Variants in NEK4 observed in about 807,000 individuals in gnomAD.
The protein encoded by NEK4 is serine/threonine-protein kinase Nek4.
NEK4 carries 86 observed loss-of-function variants against 98.4 expected under a neutral mutation model. That is an observed-to-expected ratio of 0.87 (90% CI 0.73 to 1.05). NEK4 has a LOEUF of 1.05. Among genes scored for constraint, NEK4 ranks in the 50% least tolerant of loss-of-function variants. The pLI, the probability that NEK4 is intolerant of heterozygous loss-of-function variation, is 0.00. For missense variants in NEK4, 898 were observed against 950.3 expected, an observed-to-expected ratio of 0.94 and a Z score of 0.72; for synonymous variants, 328 against 342.2, an observed-to-expected ratio of 0.96 and a Z score of 0.46.
At chr3:52,735,167 G>C (rs2097374229) in intron 15 of NEK4, among the ~76,000 whole-genome samples, 1 of 152,114 alleles carries the variant, frequency 6.6e-6, no homozygotes, top group African/African-American at 2.4e-5. Flanking sequence ...ATTTTATTCT[G>C]AATACAAAGG....
intron 6 of NEK4, among the ~76,000 whole-genome samples, chr3:52,760,248 A>G (rs555765319): frequency 9.3e-4 from 142 of 152,008 alleles, no homozygotes; most frequent in African/African-American, 3.2e-3. Flanking sequence ...ACAGTGTCTC[A>G]TTCTGTCACC....
chr3:52,729,084 G>A (rs917187170), intron 15 of NEK4, among the ~76,000 whole-genome samples: 2 of 152,204 alleles, frequency 1.3e-5, no homozygotes, highest in Non-Finnish European at 2.9e-5. Flanking sequence ...TTCCTCAGAA[G>A]CATGTGATAT....
At chr3:52,724,516 C>T (rs1561288138) in intron 15 of NEK4, among the ~76,000 whole-genome samples, 1 of 151,526 alleles carries the variant, frequency 6.6e-6, no homozygotes, top group Non-Finnish European at 1.5e-5. Flanking sequence ...CTAGATCTTC[C>T]CTATCAGAAA....
At chr3:52,735,756 A>G (rs2097374994) in intron 15 of NEK4, among the ~76,000 whole-genome samples, 1 of 152,262 alleles carries the variant, frequency 6.6e-6, no homozygotes, top group Non-Finnish European at 1.5e-5. Flanking sequence ...GCAATCAATC[A>G]TAATTAGTAA....
intron 15 of NEK4, among the ~76,000 whole-genome samples, chr3:52,727,910 T>A (rs897089161): frequency 6.6e-6 from 1 of 152,176 alleles, no homozygotes; most frequent in Admixed American, 6.5e-5. Context: ...AAGGGGGGAA[T>A]TTATAGCTGT....
intron 15 of NEK4, among the ~76,000 whole-genome samples, chr3:52,715,147 G>T (rs2097353987): frequency 6.6e-6 from 1 of 152,244 alleles, no homozygotes. Context: ...AGACCAGAGT[G>T]GGAACTTGTG....
At chr3:52,733,467 G>A (rs2097371900) in intron 15 of NEK4, 2 of 420,730 alleles carry the variant, frequency 4.8e-6, no homozygotes, top group African/African-American at 4.2e-5. Context: ...GAGTGTACAA[G>A]AACTTCAGGC....
Position 52,768,441 on chromosome 3 carries a change from C to T in NEK4, c.257G>A (p.Cys86Tyr). 6.2e-7 allele frequency: 1 copy of T among 1,614,174 alleles called. No individual in the cohort carries two copies. The highest frequency in any genetic ancestry group is 8.5e-7 in the Non-Finnish European group (1 of 1,180,036). The change falls in exon 2 of 16, where the codon TGT (cysteine) becomes TAT (tyrosine). Residue 86 changes from cysteine to tyrosine, a missense_variant. Cys to Tyr is a radical substitution (Grantham distance 194). Transcript: ENST00000233027. ...CTTTCGGTACAAATCACCTCCTTCA[C>T]AGAAGCCCATGACAATGTAGAGCAG... ...DGLLYIVMGF[C>Y]EGGDLYRKLK...
intron 15 of NEK4, among the ~76,000 whole-genome samples, chr3:52,724,174 A>C (rs2154102374): frequency 6.6e-6 from 1 of 151,690 alleles, no homozygotes; most frequent in East Asian, 1.9e-4. Context: ...CAGAGGTTGC[A>C]GTGAGCCAAG....
At chr3:52,737,499 G>T in intron 15 of NEK4, 87 bp downstream of exon 15, 2 of 1,381,654 alleles carry the variant, frequency 1.4e-6, no homozygotes, top group Non-Finnish European at 2.1e-6. Context: ...TTAGATGAGT[G>T]AATTGTTATG....
intron 6 of NEK4, among the ~76,000 whole-genome samples, chr3:52,754,890 G>A (rs893454547): frequency 2.0e-5 from 3 of 151,990 alleles, no homozygotes; most frequent in Non-Finnish European, 4.4e-5. Context: ...TGGCTAACAT[G>A]GTGAAACCCC....
At chr3:52,755,711 AAAAT>A (rs1435865622) in intron 6 of NEK4, among the ~76,000 whole-genome samples, 2 of 152,132 alleles carry the variant, frequency 1.3e-5, no homozygotes, top group Non-Finnish European at 2.9e-5. Flanking sequence ...AAGGAAAAAA[AAAAT>A]AAAAGGCATC....
At chr3:52,718,480 A>AG (rs1229581325) in intron 15 of NEK4, among the ~76,000 whole-genome samples, 2 of 151,808 alleles carry the variant, frequency 1.3e-5, no homozygotes, top group African/African-American at 4.8e-5. Flanking sequence ...CTCAAAAAAA[A>AG]AAAAAAAAAA....
At chr3:52,724,967 T>C (rs976958873) in intron 15 of NEK4, among the ~76,000 whole-genome samples, 1 of 152,204 alleles carries the variant, frequency 6.6e-6, no homozygotes, top group Admixed American at 6.5e-5. Flanking sequence ...ATAAAAAATA[T>C]ATTTGTAAAA....
chr3:52,734,189 G>A (rs1441643978), intron 15 of NEK4, among the ~76,000 whole-genome samples: 4 of 152,108 alleles, frequency 2.6e-5, no homozygotes, highest in South Asian at 2.1e-4. Flanking sequence ...GCTCATGCCT[G>A]TAATCCCAGC....
intron 15 of NEK4, among the ~76,000 whole-genome samples, chr3:52,721,456 G>A (rs566861259): frequency 4.6e-5 from 7 of 152,244 alleles, no homozygotes; most frequent in South Asian, 2.1e-4. Context: ...CACTGGGCAC[G>A]GTGGCTTATG....
At chr3:52,741,621 A>C (rs1276857737) in intron 12 of NEK4, 122 bp from the exon 13 acceptor site, 1 of 559,196 alleles carries the variant, frequency 1.8e-6, no homozygotes. Flanking sequence ...TAACAGGAGA[A>C]TCTAACAAAT....
Position 52,731,867 on chromosome 3 carries a change from G to A in NEK4, c.2433+5719C>T, listed in dbSNP as rs541602649. ...CCACGTGTCGTGGGAGGGACCCGGC[G>A]GGAGGTAAGTGAATCATGGGGACGG... On this transcript the variant is annotated intron_variant, in intron 15 of 15. Coordinates refer to ENST00000233027, the MANE Select transcript of NEK4 (RefSeq NM_003157.6). Among the ~76,000 whole-genome samples the A allele has an allele frequency of 3.9e-5, 6 of 152,316 alleles. No homozygotes were observed. The South Asian group carries it at 6.2e-4, about 16-fold the overall frequency.
chr3:52,765,744 G>A, intron 4 of NEK4, 143 bp downstream of exon 4: 1 of 593,358 alleles, frequency 1.7e-6, no homozygotes, highest in South Asian at 2.0e-5. Context: ...CTTCCCCACA[G>A]AAGGGACCCA....
Sources: allele counts gnomAD v4.1 joint callset (sites outside exome capture counted in the v4.1 genomes callset), GRCh38; gene constraint gnomAD v4.1.1; transcripts MANE v1.5; gene names NCBI Gene and HGNC (gene_info 2026-07-23, HGNC 2026-07-21).